Variants in SLC9C2 observed in about 807,000 individuals in gnomAD.
The protein encoded by SLC9C2 is sodium/hydrogen exchanger 11.
In SLC9C2, 75 loss-of-function variants were observed where a neutral mutation model predicts 140.2. That is an observed-to-expected ratio of 0.53 (90% CI 0.44 to 0.65). SLC9C2 has a LOEUF of 0.65. SLC9C2 is among the 30% of genes least tolerant of loss of function. The probability of loss-of-function intolerance (pLI) is 0.00; values close to 1 mark genes in which losing one functional copy is unlikely to be tolerated. For synonymous variants in SLC9C2, 375 were observed against 420.9 expected, an observed-to-expected ratio of 0.89 and a Z score of 1.34; for missense variants, 1,074 against 1,331.8, an observed-to-expected ratio of 0.81 and a Z score of 3.01.
chr1:173,564,557 G>A (rs1664325913), intron 9 of SLC9C2, among the ~76,000 whole-genome samples: 1 of 150,200 alleles, frequency 6.7e-6, no homozygotes, highest in Admixed American at 6.6e-5. Flanking sequence ...ATTGTTAGAT[G>A]TTTTCCTATG....
At chr1:173,593,008 C>A (rs951057060) in intron 4 of SLC9C2, among the ~76,000 whole-genome samples, 1 of 152,128 alleles carries the variant, frequency 6.6e-6, no homozygotes, top group African/African-American at 2.4e-5. Context: ...AAAATAAGAT[C>A]CTTTTCAGAT....
At chr1:173,582,037 T>TA in intron 6 of SLC9C2, 29 bp from the exon 7 acceptor site, 1 of 1,454,294 alleles carries the variant, frequency 6.9e-7, no homozygotes, top group Non-Finnish European at 9.2e-7. Context: ...AAATAAGAAA[T>TA]AAAAACTTGA....
chr1:173,509,210 G>A (rs1025725467), intron 24 of SLC9C2, among the ~76,000 whole-genome samples: 7 of 152,044 alleles, frequency 4.6e-5, no homozygotes, highest in Non-Finnish European at 7.4e-5. Context: ...TTGGGAGGCC[G>A]AGGTGAGTAG....
intron 9 of SLC9C2, among the ~76,000 whole-genome samples, chr1:173,567,059 C>A (rs551549169): frequency 1.3e-4 from 19 of 151,892 alleles, no homozygotes; most frequent in Admixed American, 4.6e-4. Context: ...CTTTTTTGAA[C>A]CTTTTAAGAC....
intron 13 of SLC9C2, among the ~76,000 whole-genome samples, chr1:173,541,931 AACATC>A (rs1443584655): frequency 2.0e-5 from 3 of 152,228 alleles, no homozygotes; most frequent in African/African-American, 7.2e-5. Flanking sequence ...TCAATACCCT[AACATC>A]ACAATTAAAA....
intron 9 of SLC9C2, among the ~76,000 whole-genome samples, chr1:173,568,167 GGTTT>G (rs1240220184): frequency 6.6e-6 from 1 of 152,226 alleles, no homozygotes; most frequent in African/African-American, 2.4e-5. Context: ...TACACGTGAA[GGTTT>G]GTTACATAGG....
chr1:173,538,245 C>A (rs1186648030), intron 13 of SLC9C2, among the ~76,000 whole-genome samples: 1 of 152,182 alleles, frequency 6.6e-6, no homozygotes, highest in Non-Finnish European at 1.5e-5. Context: ...CGTTGTAAGC[C>A]TCCGTGATGG....
intron 10 of SLC9C2, among the ~76,000 whole-genome samples, chr1:173,555,980 T>G (rs535087587): frequency 1.3e-5 from 2 of 152,322 alleles, no homozygotes; most frequent in Non-Finnish European, 2.9e-5. Context: ...AATACTGTAC[T>G]CCTTGGGACT....
chr1:173,540,212 G>C (rs966623784), intron 13 of SLC9C2, among the ~76,000 whole-genome samples: 1 of 152,134 alleles, frequency 6.6e-6, no homozygotes, highest in African/African-American at 2.4e-5. Flanking sequence ...ACTAGCATCA[G>C]CTGCCAAACC....
intron 9 of SLC9C2, among the ~76,000 whole-genome samples, chr1:173,560,022 AG>A (rs2102117698): frequency 6.6e-6 from 1 of 152,374 alleles, no homozygotes; most frequent in Non-Finnish European, 1.5e-5. Context: ...ATATGAAAAA[AG>A]GGTATTTTCA....
In SLC9C2 at chr1:173,574,732, G is replaced by C. The variant is rs765001827; in HGVS notation, c.903-1407C>G. On this transcript the variant is annotated intron_variant, in intron 8 of 27. Coordinates refer to ENST00000367714, the MANE Select transcript of SLC9C2 (RefSeq NM_178527.4). Reference sequence around the variant, plus strand: ...TCACCATGTTAGCCAGGATGGTCTTGATCTCCTGACCTCGTGATTCGCCCG... The same window carrying C: ...TCACCATGTTAGCCAGGATGGTCTTCATCTCCTGACCTCGTGATTCGCCCG... Among the ~76,000 whole-genome samples, 3 of 92,438 alleles carry C rather than the reference G, an allele frequency of 3.2e-5. No individual in the cohort carries two copies. In the Admixed American group the frequency reaches 4.6e-4, roughly 14 times the overall value. 60.6% of individuals were successfully genotyped at this position (92,438 alleles called of 152,430 possible). A position where few individuals can be genotyped will look rare whatever the true frequency, so the allele number is the denominator to read the frequency against.
At position 173,557,361 on chromosome 1, in the gene SLC9C2, T is replaced by C; in HGVS notation, c.1194A>G (p.Arg398=). Residue 398 remains arginine (R), a synonymous_variant, in exon 10 of 28, where the codon CGA becomes CGG. Transcript: ENST00000367714. ...CTACCATTTGTGGTACTTCCACTTT[T>C]CGTTCAGCGAGATTATAAACATCAG... ...WAPDVYNLAE[R]KVEVPQMFIL... The C allele has an allele frequency of 1.9e-6, 3 of 1,612,636 alleles. No homozygotes were observed. Among genetic ancestry groups the C allele is most frequent in the Non-Finnish European group, 2.5e-6 (3 of 1,179,644 alleles).
chr1:173,533,895 G>GT, intron 16 of SLC9C2, 98 bp from the exon 17 acceptor site: 1 of 1,291,078 alleles, frequency 7.7e-7, no homozygotes, highest in Non-Finnish European at 1.0e-6. Context: ...CTACAAATGA[G>GT]TTATATTCCG....
chr1:173,602,096 A>T (rs1666819534), intron 1 of SLC9C2, among the ~76,000 whole-genome samples: 1 of 152,196 alleles, frequency 6.6e-6, no homozygotes, highest in African/African-American at 2.4e-5. Flanking sequence ...TGATAGGTGC[A>T]CTTACCATTG....
At position 173,508,525 on chromosome 1, in the gene SLC9C2, G is replaced by T. The variant is rs201687510; in HGVS notation, c.3039+1043C>A. On this transcript the variant is annotated intron_variant, in intron 24 of 27. Coordinates refer to ENST00000367714, the MANE Select transcript of SLC9C2 (RefSeq NM_178527.4). ...AATTTGTCCCACTTCTCATGAAGAT[G>T]CAAGGTAAAAGGAAAAGAGAAGAAT... 7.9e-5 allele frequency among the ~76,000 whole-genome samples: 8 copies of T among 100,722 alleles called. No homozygotes were observed. In the South Asian group the frequency reaches 4.1e-3, roughly 51 times the overall value. The allele number at this position is 100,722 out of a possible 152,430, so 66.1% of individuals were successfully genotyped here.
Position 173,554,713 on chromosome 1 carries a change from G to T in SLC9C2, c.1297+20C>A. The T allele has an allele frequency of 6.6e-7, 1 of 1,511,024 alleles. No individual in the cohort carries two copies. Among genetic ancestry groups the T allele is most frequent in the Non-Finnish European group, 9.2e-7 (1 of 1,087,726 alleles). The allele number at this position is 1,511,024 out of a possible 1,614,324, so 93.6% of individuals were successfully genotyped here. On this transcript the variant is annotated intron_variant, in intron 11 of 27. Transcript: ENST00000367714. Reference sequence around the variant, plus strand: ...GTATTATTCTCCCCAGCTAATTCATGAATGAGACACATACTTTACCTAACT... The same window carrying T: ...GTATTATTCTCCCCAGCTAATTCATTAATGAGACACATACTTTACCTAACT...
chr1:173,586,294 A>C (rs1665844727), intron 5 of SLC9C2, among the ~76,000 whole-genome samples: 1 of 152,100 alleles, frequency 6.6e-6, no homozygotes, highest in Non-Finnish European at 1.5e-5. Flanking sequence ...AGTGCCTAAA[A>C]CTCTATGTTT....
rs535236681 is a variant in SLC9C2, at chr1:173,546,532, G to GA, written c.1557+1156dup. Among the ~76,000 whole-genome samples the GA allele has an allele frequency of 9.8e-5, 15 of 152,300 alleles. No homozygotes were observed. In the East Asian group the frequency reaches 1.9e-3, roughly 20 times the overall value. On this transcript the variant is annotated intron_variant, in intron 13 of 27. Coordinates refer to ENST00000367714, the MANE Select transcript of SLC9C2 (RefSeq NM_178527.4). ...GGAGGTGGAGGTTGCAGTGAGTCAA[G>GA]ATCGCGCCACTGCACTCCAGCCTGG...
chr1:173,580,988 A>T (rs61828914), intron 7 of SLC9C2, among the ~76,000 whole-genome samples: 21,314 of 152,198 alleles, frequency 0.14, 1,783 homozygotes, highest in East Asian at 0.32. Context: ...GAGAGGGGAA[A>T]AATGAAGAAA....
Sources: gnomAD v4.1 joint callset for allele counts (sites outside exome capture counted in the v4.1 genomes callset) on GRCh38, gnomAD v4.1.1 for gene constraint, MANE v1.5 for transcripts, NCBI Gene and HGNC (gene_info 2026-07-23, HGNC 2026-07-21) for gene names.